FRYL: variants seen among roughly 807,000 people sequenced by gnomAD.
The protein encoded by FRYL is FRY like transcription coactivator.
A neutral mutation model predicts 351.2 loss-of-function variants in FRYL; 150 were observed. The ratio of observed to expected loss-of-function variants is 0.43; its 90% confidence interval spans 0.37 to 0.49. The LOEUF (loss-of-function observed/expected upper bound fraction) is 0.49, where lower values mean the gene tolerates loss of function less well. FRYL is among the 20% of genes least tolerant of loss of function. The probability of loss-of-function intolerance (pLI) is 0.00; values close to 1 mark genes in which losing one functional copy is unlikely to be tolerated. For synonymous variants in FRYL, 1,153 were observed against 1,257.1 expected, an observed-to-expected ratio of 0.92 and a Z score of 1.75; for missense variants, 3,036 against 3,619.3, an observed-to-expected ratio of 0.84 and a Z score of 4.13.
In FRYL at chr4:48,563,590, GT is replaced by G. The variant is rs374202637; in HGVS notation, c.3596+357del. On this transcript the variant is annotated intron_variant, in intron 31 of 63. Transcript: ENST00000358350. The stretch of plus-strand genomic sequence containing the variant: ...CCAGGCATGGTAGTGGGAGCCTACA[GT>G]CCTGGCTACTCGGGAGGTTGAGGTG... Among the ~76,000 whole-genome samples, 57 of 152,006 alleles carry G rather than the reference GT, an allele frequency of 3.7e-4. No individual in the cohort carries two copies. In the East Asian group the frequency reaches 5.3e-3, roughly 14 times the overall value.
chr4:48,726,545 G>A (rs1413938440), intron 1 of FRYL, among the ~76,000 whole-genome samples: 1 of 152,150 alleles, frequency 6.6e-6, no homozygotes, highest in Admixed American at 6.5e-5. Context: ...AGCCAGGCAT[G>A]GTGGCGTATG....
At chr4:48,711,459 T>C (rs1490381457) in intron 1 of FRYL, among the ~76,000 whole-genome samples, 1 of 152,264 alleles carries the variant, frequency 6.6e-6, no homozygotes, top group African/African-American at 2.4e-5. Context: ...GTCTCACTGA[T>C]TGCTAGCACA....
intron 47 of FRYL, among the ~76,000 whole-genome samples, chr4:48,538,184 T>C (rs1416011095): frequency 6.6e-6 from 1 of 152,190 alleles, no homozygotes; most frequent in Non-Finnish European, 1.5e-5. Context: ...TAATGTTCTA[T>C]TGGATTAGTT....
intron 30 of FRYL, among the ~76,000 whole-genome samples, chr4:48,564,588 A>C (rs1482424288): frequency 6.6e-6 from 1 of 152,222 alleles, no homozygotes; most frequent in Non-Finnish European, 1.5e-5. Flanking sequence ...AAGTGGTTAA[A>C]AAAACGAAAT....
At chr4:48,632,104 A>ATATATATATATG (rs1553957630) in intron 4 of FRYL, among the ~76,000 whole-genome samples, 67 of 49,886 alleles carry the variant, frequency 1.3e-3, no homozygotes, top group Non-Finnish European at 2.1e-3. Flanking sequence ...ATATATATAT[A>ATATATATATATG]TATATATATA....
chr4:48,569,736 T>C (rs1033597285), intron 27 of FRYL, among the ~76,000 whole-genome samples: 2 of 152,232 alleles, frequency 1.3e-5, no homozygotes, highest in African/African-American at 4.8e-5. Context: ...GTAAAATAAA[T>C]AATTGGGAGA....
chr4:48,705,985 C>T (rs185395985), intron 2 of FRYL, among the ~76,000 whole-genome samples: 15 of 152,250 alleles, frequency 9.9e-5, no homozygotes, highest in Admixed American at 6.5e-4. Flanking sequence ...TACAGGCACA[C>T]GCCACCACTC....
chr4:48,671,500 T>G (rs537655486), intron 3 of FRYL, among the ~76,000 whole-genome samples: 31 of 151,876 alleles, frequency 2.0e-4, no homozygotes, highest in African/African-American at 7.2e-4. Context: ...AAACCCCATC[T>G]CTCCTAAAAA....
Position 48,498,620 on chromosome 4 carries a change from A to C in FRYL, c.*802T>G, listed in dbSNP as rs1427829164. The C allele has an allele frequency of 6.6e-6, 1 of 152,666 alleles. No individual in the cohort carries two copies. The highest frequency in any genetic ancestry group is 1.5e-5 in the Non-Finnish European group (1 of 68,046). 9.5% of individuals were successfully genotyped at this position (152,666 alleles called of 1,614,324 possible). ...TTCCAATAACGTTAACAGATATATTATTTCTTTTTGAAATACTGGGAAAGC... is the reference window on the plus strand; with the variant it reads ...TTCCAATAACGTTAACAGATATATTCTTTCTTTTTGAAATACTGGGAAAGC... On this transcript the variant is annotated 3_prime_UTR_variant, in exon 64 of 64. Transcript: ENST00000358350.
At chr4:48,667,833 A>G (rs1762000955) in intron 3 of FRYL, among the ~76,000 whole-genome samples, 1 of 152,188 alleles carries the variant, frequency 6.6e-6, no homozygotes, top group East Asian at 1.9e-4. Flanking sequence ...TTTTTAGTAG[A>G]GACAGGATTT....
intron 3 of FRYL, among the ~76,000 whole-genome samples, chr4:48,648,946 C>T (rs1757091599): frequency 6.6e-6 from 1 of 152,134 alleles, no homozygotes; most frequent in African/African-American, 2.4e-5. Context: ...AAATTGAATA[C>T]TTAATGAATT....
At position 48,623,183 on chromosome 4, in the gene FRYL, T is replaced by G; in HGVS notation, c.121-4A>C. 1.4e-6 allele frequency: 2 copies of G among 1,440,982 alleles called. No homozygotes were observed. Among genetic ancestry groups the G allele is most frequent in the Non-Finnish European group, 1.9e-6 (2 of 1,059,652 alleles). The allele number at this position is 1,440,982 out of a possible 1,614,324, so 89.3% of individuals were successfully genotyped here. On this transcript the variant is annotated splice_polypyrimidine_tract_variant and splice_region_variant and intron_variant, in intron 4 of 63. Coordinates refer to ENST00000358350, the MANE Select transcript of FRYL (RefSeq NM_015030.2). ...GAGATCTGGACAATAGCTTCTCCTA[T>G]GATTAAAAAAAACAAACATTAAAAA...
intron 3 of FRYL, among the ~76,000 whole-genome samples, chr4:48,652,440 GA>G (rs1210254094): frequency 2.0e-5 from 3 of 152,172 alleles, no homozygotes; most frequent in Non-Finnish European, 4.4e-5. Context: ...TTTAACTAGT[GA>G]AAGTATTTAA....
At chr4:48,575,032 C>G (rs1489920870) in intron 25 of FRYL, 85 bp downstream of exon 25, 2 of 1,376,386 alleles carry the variant, frequency 1.5e-6, no homozygotes, top group African/African-American at 1.4e-5. Context: ...CTTGACCCTA[C>G]CACACCTTCT....
Position 48,557,687 on chromosome 4 carries a change from A to G in FRYL, c.3891T>C (p.Ala1297=). Residue 1297 remains alanine, a synonymous_variant, in exon 34 of 64, where the codon GCT becomes GCC. Coordinates refer to ENST00000358350, the MANE Select transcript of FRYL (RefSeq NM_015030.2). ...GCATCACCTGCCGCCCAGCAGGGTG[A>G]GCTGTCTGGATTCTCTGGCTTATCT... is the stretch of plus-strand genomic sequence containing the variant. The part of the protein sequence containing the change: ...FSEISQRIQT[A]HPAGRQVMLH... The G allele has an allele frequency of 6.2e-7, 1 of 1,614,120 alleles. No homozygotes were observed. Among genetic ancestry groups the G allele is most frequent in the East Asian group, 2.2e-5 (1 of 44,880 alleles).
chr4:48,725,286 T>C (rs781688914), intron 1 of FRYL, among the ~76,000 whole-genome samples: 3 of 152,192 alleles, frequency 2.0e-5, no homozygotes, highest in Non-Finnish European at 2.9e-5. Flanking sequence ...CACACTTAAT[T>C]GCTCCCCTCC....
chr4:48,629,618 T>C (rs192756618), intron 4 of FRYL, among the ~76,000 whole-genome samples: 32 of 152,308 alleles, frequency 2.1e-4, no homozygotes, highest in Non-Finnish European at 8.8e-5. Flanking sequence ...GTGTATATTA[T>C]GTCAGACAGA....
In FRYL at chr4:48,594,018, TTA is replaced by T. The variant is rs1491135991; in HGVS notation, c.1249-4_1249-3del. 1.5e-5 allele frequency: 21 copies of T among 1,430,178 alleles called. No homozygotes were observed. In the South Asian group the frequency reaches 2.9e-4, roughly 20 times the overall value. The allele number at this position is 1,430,178 out of a possible 1,614,324, so 88.6% of individuals were successfully genotyped here. On this transcript the variant is annotated splice_polypyrimidine_tract_variant and splice_region_variant and intron_variant, in intron 15 of 63. Coordinates refer to ENST00000358350, the MANE Select transcript of FRYL (RefSeq NM_015030.2). The stretch of plus-strand genomic sequence containing the variant: ...TTTCATTGCAAAATCCAAGCGTTCC[TTA>T]AAAAAAAAAAAATCCTTATAACTTG...
At chr4:48,649,243 C>CA (rs887162976) in intron 3 of FRYL, among the ~76,000 whole-genome samples, 44 of 147,338 alleles carry the variant, frequency 3.0e-4, no homozygotes, top group Admixed American at 1.1e-3. Flanking sequence ...TTTTACAATC[C>CA]AAAAAAAAAA....
Sources: allele counts gnomAD v4.1 joint callset (sites outside exome capture counted in the v4.1 genomes callset), GRCh38; gene constraint gnomAD v4.1.1; transcripts MANE v1.5; gene names NCBI Gene and HGNC (gene_info 2026-07-23, HGNC 2026-07-21).